CASZ1: variants seen among roughly 807,000 people sequenced by gnomAD.
The protein encoded by CASZ1 is castor zinc finger 1.
A neutral mutation model predicts 135.2 loss-of-function variants in CASZ1; 28 were observed. The ratio of observed to expected loss-of-function variants is 0.21; its 90% CI spans 0.15 to 0.28. The LOEUF (loss-of-function observed/expected upper bound fraction) is 0.28. Among genes scored for constraint, CASZ1 ranks in the 10% least tolerant of loss-of-function variants. The pLI is 1.00. For synonymous variants in CASZ1, 1,068 were observed against 1,073.4 expected, an observed-to-expected ratio of 0.99 and a Z score of 0.10; for missense variants, 2,161 against 2,453.3, an observed-to-expected ratio of 0.88 and a Z score of 2.52.
Position 10,647,202 on chromosome 1 carries a change from C to T in CASZ1, c.3497+599G>A, listed in dbSNP as rs114912304. The T allele has an allele frequency of 2.3e-3, 2,263 of 986,898 alleles. 39 individuals carry two copies. The African/African-American group carries it at 0.033, about 15-fold the overall frequency. 61.1% of individuals were successfully genotyped at this position (986,898 alleles called of 1,614,324 possible). A position where few individuals can be genotyped will look rare whatever the true frequency, so the allele number is the denominator to read the frequency against. ...GCTCAGAGAGGGAGGACAGCTGCCA[C>T]TCAGGCGATATAAATAATCCAATTT... On this transcript the variant is annotated intron_variant, in intron 16 of 20. Transcript: ENST00000377022. The surrounding 1 kb of genome is among the most constrained non-coding windows in gnomAD (Gnocchi z 4.9).
In CASZ1 at chr1:10,665,424, T is replaced by A. The variant is rs376808392; in HGVS notation, c.164A>T (p.Glu55Val). 5.0e-6 allele frequency: 8 copies of A among 1,612,364 alleles called. No individual in the cohort carries two copies. Among genetic ancestry groups the A allele is most frequent in the Middle Eastern group, 1.6e-4 (1 of 6,084 alleles). The stretch of plus-strand genomic sequence containing the variant: ...GTCCCGGGGCTGCGATGGGCTGCCC[T>A]CCGTGTGGGAGCCGGCGTCAGCTCG... ...EKRADAGSHT[E>V]GSPSQPRDQE... The change falls in exon 5 of 21, where the codon GAG becomes GTG. Residue 55 changes from glutamate (E) to valine (V), a missense_variant. Glu to Val is a moderately radical substitution (Grantham distance 121). This residue lies in a region of CASZ1 where 590 missense variants were observed against 609.8 expected (regional missense o/e 0.97). Coordinates refer to ENST00000377022, the MANE Select transcript of CASZ1 (RefSeq NM_001079843.3).
At chr1:10,765,775 A>T (rs1640464441) in intron 1 of CASZ1, among the ~76,000 whole-genome samples, 1 of 152,136 alleles carries the variant, frequency 6.6e-6, no homozygotes, top group African/African-American at 2.4e-5. Context: ...GCCTTTCCAC[A>T]CTTAAGGTAC....
At position 10,700,315 on chromosome 1, in the gene CASZ1, C is replaced by G. The variant is rs1020448813; in HGVS notation, c.-24+5177G>C. On this transcript the variant is annotated intron_variant, in intron 3 of 20. Transcript: ENST00000377022. This position sits in a 1 kb window ranked among gnomAD's most constrained non-coding sequence, Gnocchi z 4.2. ...AGGTTTCTCTGGCTACTTCAGTTAC[C>G]CTGTTGCTGCTGGTTCCTGCTCCAA... Among the ~76,000 whole-genome samples, 1 of 152,188 alleles carries G rather than the reference C, an allele frequency of 6.6e-6. No individual in the cohort carries two copies. Among genetic ancestry groups the G allele is most frequent in the African/African-American group, 2.4e-5 (1 of 41,446 alleles).
chr1:10,761,946 T>C (rs1279387535), intron 1 of CASZ1, among the ~76,000 whole-genome samples: 1 of 152,096 alleles, frequency 6.6e-6, no homozygotes, highest in Non-Finnish European at 1.5e-5. Flanking sequence ...TGCGGGAAGA[T>C]TGCAGCAGCC....
At position 10,759,062 on chromosome 1, in the gene CASZ1, G is replaced by A. The variant is rs1041914954; in HGVS notation, c.-77+1639C>T. On this transcript the variant is annotated intron_variant, in intron 2 of 20. Coordinates refer to ENST00000377022, the MANE Select transcript of CASZ1 (RefSeq NM_001079843.3). This position sits in a 1 kb window ranked among gnomAD's most constrained non-coding sequence, Gnocchi z 4.2. ...TTCAGAAAGGGAAAAACGAATAGGC[G>A]TGTTTTGCCCAGGCAAAGAAGAAAA... Among the ~76,000 whole-genome samples, 15 of 152,296 alleles carry A rather than the reference G, an allele frequency of 9.8e-5. No homozygotes were observed. The highest frequency in any genetic ancestry group is 1.6e-4 in the Non-Finnish European group (11 of 68,028).
At chr1:10,674,636 CG>C (rs755464515) in intron 4 of CASZ1, among the ~76,000 whole-genome samples, 9 of 152,220 alleles carry the variant, frequency 5.9e-5, no homozygotes, top group Non-Finnish European at 1.0e-4. Flanking sequence ...GCAGAGCACA[CG>C]GTGCCTCCCT....
intron 5 of CASZ1, chr1:10,660,937 G>A (rs1011255420): frequency 2.1e-5 from 5 of 235,478 alleles, no homozygotes; most frequent in Admixed American, 1.6e-4. Flanking sequence ...GGCAAGAACC[G>A]GGGACAGGTA....
rs1212625170 is a variant in CASZ1, at chr1:10,700,111, A to ACACACACACACACACACACACC, written c.-24+5380_-24+5381insGGTGTGTGTGTGTGTGTGTGTG. ...CACACACACACACACACACACACAC[A>ACACACACACACACACACACACC]CACACAGAGTATGAAGCAGGGACCT... On this transcript the variant is annotated intron_variant, in intron 3 of 20. Coordinates refer to ENST00000377022, the MANE Select transcript of CASZ1 (RefSeq NM_001079843.3). This position sits in a 1 kb window ranked among gnomAD's most constrained non-coding sequence, Gnocchi z 4.2. Among the ~76,000 whole-genome samples the ACACACACACACACACACACACC allele has an allele frequency of 3.3e-5, 5 of 151,906 alleles. No homozygotes were observed. In the East Asian group the frequency reaches 5.9e-4, roughly 18 times the overall value.
At chr1:10,662,135 GCATA>G (rs1200466576) in intron 5 of CASZ1, among the ~76,000 whole-genome samples, 3 of 147,432 alleles carry the variant, frequency 2.0e-5, no homozygotes, top group Non-Finnish European at 3.0e-5. Flanking sequence ...ACATGCATTC[GCATA>G]CACTCACACA....
rs375813828 is a variant in CASZ1 at position 10,665,275 on chromosome 1, C to A, written c.313G>T (p.Val105Leu). The A allele has an allele frequency of 2.5e-6, 4 of 1,611,440 alleles. No homozygotes were observed. The African/African-American group carries it at 5.3e-5, about 22-fold the overall frequency. ...CCCTCGCGGGCAATCCGCCCCAACA[C>A]GGGTGTGGGTGCCGGCTCCTCGCTG... ...EYSEEPAPTP[V>L]LGRIAREGLE... The change falls in exon 5 of 21, where the codon GTG becomes TTG. Residue 105 changes from valine (V) to leucine (L), a missense_variant. Physicochemically the swap from Val to Leu is conservative, Grantham distance 32. Coordinates refer to ENST00000377022, the MANE Select transcript of CASZ1 (RefSeq NM_001079843.3).
intron 1 of CASZ1, among the ~76,000 whole-genome samples, chr1:10,765,989 G>A (rs1273578051): frequency 2.6e-5 from 4 of 152,300 alleles, no homozygotes; most frequent in East Asian, 3.9e-4. Context: ...AGGGCGTGTC[G>A]CCAGAGGGAG....
intron 4 of CASZ1, among the ~76,000 whole-genome samples, chr1:10,691,338 AAAGGGGGTC>A (rs1638761257): frequency 6.6e-6 from 1 of 152,032 alleles, no homozygotes; most frequent in Non-Finnish European, 1.5e-5. Flanking sequence ...ATGGTGGGGG[AAAGGGGGTC>A]CACATGGCCC....
chr1:10,729,789 C>T (rs1201122711), intron 2 of CASZ1, among the ~76,000 whole-genome samples: 2 of 152,106 alleles, frequency 1.3e-5, no homozygotes, highest in Non-Finnish European at 2.9e-5. Context: ...CCTTCCAGCT[C>T]GAGAAAAGCC....
chr1:10,745,407 C>T (rs1016171684), intron 2 of CASZ1, among the ~76,000 whole-genome samples: 3 of 151,960 alleles, frequency 2.0e-5, no homozygotes, highest in African/African-American at 4.8e-5. Flanking sequence ...CGAACACAGA[C>T]AGCTTCTTGA....
rs753158020 is a variant in CASZ1 at position 10,776,634 on chromosome 1, C to A, written c.-233-15777G>T. On this transcript the variant is annotated intron_variant, in intron 1 of 20. Coordinates refer to ENST00000377022, the MANE Select transcript of CASZ1 (RefSeq NM_001079843.3). This position sits in a 1 kb window ranked among gnomAD's most constrained non-coding sequence, Gnocchi z 4.1. ...GGCTCTCCCTGGTACCAGCTAGGGG[C>A]GGGAGCTCCTGGGAGTCCTGGGGAA... Among the ~76,000 whole-genome samples, 1 of 152,182 alleles carries A rather than the reference C, an allele frequency of 6.6e-6. No individual in the cohort carries two copies. The highest frequency in any genetic ancestry group is 1.5e-5 in the Non-Finnish European group (1 of 68,022).
rs898763262 is a variant in CASZ1, at chr1:10,726,023, G to GCAGT, written c.-76-20483_-76-20480dup. On this transcript the variant is annotated intron_variant, in intron 2 of 20. Transcript: ENST00000377022. The surrounding 1 kb of genome is among the most constrained non-coding windows in gnomAD (Gnocchi z 5.7). ...AATAATGACAGCTAGCATTTGCTGA[G>GCAGT]CAGTCACTATCTGTCAGGGGCTGTA... 6.6e-6 allele frequency among the ~76,000 whole-genome samples: 1 copy of GCAGT among 152,142 alleles called. No homozygotes were observed.
chr1:10,769,221 G>C (rs540519948), intron 1 of CASZ1, among the ~76,000 whole-genome samples: 1 of 152,344 alleles, frequency 6.6e-6, no homozygotes, highest in East Asian at 1.9e-4. Flanking sequence ...GCCCTTAAGA[G>C]ACACTTAGAA....
At chr1:10,693,770 C>A in intron 4 of CASZ1, 104 bp downstream of exon 4, 1 of 943,366 alleles carries the variant, frequency 1.1e-6, no homozygotes, top group Admixed American at 1.8e-5. Flanking sequence ...CTCCCGGCCC[C>A]CACCCGGCCC....
chr1:10,650,960 G>A lies in CASZ1; in HGVS notation c.2797C>T (p.Leu933=), dbSNP rs772178974. The change falls in exon 12 of 21, where the codon CTG becomes TTG. Residue 933 remains leucine, a synonymous_variant. Transcript: ENST00000377022. Reference sequence around the variant, plus strand: ...CCTCACCTGGGCTCCTTCACAGTCAGGTCTAGACTGCGGTCCTGGGAGGCT... The same window carrying A: ...CCTCACCTGGGCTCCTTCACAGTCAAGTCTAGACTGCGGTCCTGGGAGGCT... The part of the protein sequence containing the change: ...HEASQDRSLD[L]TVKEPSNESN... The A allele has an allele frequency of 6.3e-7, 1 of 1,596,346 alleles. No individual in the cohort carries two copies. Among genetic ancestry groups the A allele is most frequent in the Non-Finnish European group, 8.5e-7 (1 of 1,175,726 alleles).
Sources: allele counts gnomAD v4.1 joint callset (sites outside exome capture counted in the v4.1 genomes callset), GRCh38; gene constraint gnomAD v4.1.1; regional missense constraint gnomAD v4.1.1; non-coding constraint Gnocchi (gnomAD v3.1); transcripts MANE v1.5; gene names NCBI Gene and HGNC (gene_info 2026-07-23, HGNC 2026-07-21).